The following VPS13B variants were observed in gnomAD, a reference collection of about 807,000 sequenced individuals.
VPS13B encodes vacuolar protein sorting 13 homolog B, also known as intermembrane lipid transfer protein VPS13B.
In VPS13B, 285 loss-of-function variants were observed where a neutral mutation model predicts 426.4. That is an observed-to-expected ratio of 0.67 (90% CI 0.61 to 0.74). The LOEUF is 0.74. Among genes scored for constraint, VPS13B ranks in the 30% least tolerant of loss-of-function variants. VPS13B has a pLI of 0.00. For synonymous variants in VPS13B, 1,676 were observed against 1,676.4 expected (o/e 1.00, Z 0.01); for missense variants, 4,537 against 4,782.6 (o/e 0.95, Z 1.51).
chr8:99,034,859 G>A (rs983885817), intron 2 of VPS13B, among the ~76,000 whole-genome samples: 59 of 152,082 alleles, frequency 3.9e-4, no homozygotes, highest in Admixed American at 5.2e-4. Context: ...GCATGCGCGC[G>A]CGTGTGTGTG....
intron 33 of VPS13B, among the ~76,000 whole-genome samples, chr8:99,639,864 C>T (rs553786101): frequency 2.0e-5 from 3 of 148,408 alleles, no homozygotes; most frequent in Admixed American, 6.7e-5. Flanking sequence ...CTAGCTCCTC[C>T]GAAGGCTGAA....
intron 8 of VPS13B, among the ~76,000 whole-genome samples, chr8:99,133,373 T>C (rs1307945748): frequency 6.6e-6 from 1 of 152,234 alleles, no homozygotes; most frequent in Non-Finnish European, 1.5e-5. Context: ...AAGGGAGTGT[T>C]GTGGCTAGTT....
intron 3 of VPS13B, among the ~76,000 whole-genome samples, chr8:99,047,945 C>T (rs569055830): frequency 6.6e-6 from 1 of 152,192 alleles, no homozygotes; most frequent in Admixed American, 6.5e-5. Context: ...ACCTTGGCAT[C>T]CCAAAGTGCT....
chr8:99,203,455 G>A (rs1324230245), intron 17 of VPS13B, among the ~76,000 whole-genome samples: 1 of 152,144 alleles, frequency 6.6e-6, no homozygotes, highest in Non-Finnish European at 1.5e-5. Context: ...ACTGGCACAA[G>A]ACAAGTATGC....
intron 17 of VPS13B, among the ~76,000 whole-genome samples, chr8:99,229,054 T>C (rs1816174976): frequency 6.6e-6 from 1 of 152,122 alleles, no homozygotes; most frequent in Non-Finnish European, 1.5e-5. Context: ...ATTTTTGAAA[T>C]GGAAACAGGC....
chr8:99,031,093 T>C (rs1476646969), intron 2 of VPS13B, among the ~76,000 whole-genome samples: 1 of 152,154 alleles, frequency 6.6e-6, no homozygotes, highest in Non-Finnish European at 1.5e-5. Context: ...AAGAACCCAC[T>C]GATGATGTCA....
chr8:99,769,608 T>C (rs1446123842), intron 40 of VPS13B, among the ~76,000 whole-genome samples: 1 of 152,136 alleles, frequency 6.6e-6, no homozygotes, highest in East Asian at 1.9e-4. Context: ...TTGCCTATAA[T>C]TGAGATGAAG....
At chr8:99,066,813 AC>A (rs1310965650) in intron 3 of VPS13B, among the ~76,000 whole-genome samples, 8 of 152,344 alleles carry the variant, frequency 5.3e-5, no homozygotes, top group Admixed American at 1.3e-4. Flanking sequence ...CAAGAAAAAA[AC>A]AATCCCATCA....
chr8:99,642,627 T>G (rs1829416245), intron 34 of VPS13B, 129 bp downstream of exon 34: 2 of 808,104 alleles, frequency 2.5e-6, no homozygotes, highest in Non-Finnish European at 3.9e-6. Context: ...ATATGGAAAG[T>G]TCATGTTCCA....
At chr8:99,356,427 T>C (rs1397959736) in intron 19 of VPS13B, among the ~76,000 whole-genome samples, 2 of 152,096 alleles carry the variant, frequency 1.3e-5, no homozygotes, top group Non-Finnish European at 2.9e-5. Context: ...GCAGGGGGAT[T>C]GCTGGAGACC....
intron 29 of VPS13B, 67 bp downstream of exon 29, chr8:99,511,579 GT>G (rs1821791072): frequency 2.0e-6 from 3 of 1,507,782 alleles, no homozygotes; most frequent in African/African-American, 1.4e-5. Context: ...AGTTTTCTGG[GT>G]TTTTTTGTTT....
At position 99,870,773 on chromosome 8, in the gene VPS13B, C is replaced by G. The variant is rs1817364799; in HGVS notation, c.11393-12C>G. Reference sequence around the variant, plus strand: ...AACAAGTAGTAAAACTCCCTTACTTCTCTTACCACAGGTATTTTACATGGA... The same window carrying G: ...AACAAGTAGTAAAACTCCCTTACTTGTCTTACCACAGGTATTTTACATGGA... On this transcript the variant is annotated splice_polypyrimidine_tract_variant and intron_variant, in intron 59 of 61. Transcript: ENST00000357162. The G allele has an allele frequency of 6.2e-7, 1 of 1,613,636 alleles. No individual in the cohort carries two copies. The highest frequency in any genetic ancestry group is 8.5e-7 in the Non-Finnish European group (1 of 1,179,538).
At chr8:99,720,619 A>T (rs559878793) in intron 38 of VPS13B, 67 bp downstream of exon 38, 1 of 1,518,506 alleles carries the variant, frequency 6.6e-7, no homozygotes, top group African/African-American at 1.4e-5. Context: ...ATGCATGTTG[A>T]CTAAATAAAA....
intron 24 of VPS13B, among the ~76,000 whole-genome samples, chr8:99,471,458 G>A (rs1819400697): frequency 6.6e-6 from 1 of 152,038 alleles, no homozygotes; most frequent in Non-Finnish European, 1.5e-5. Flanking sequence ...TAGACCGAAA[G>A]TTTTGGTGCA....
intron 19 of VPS13B, among the ~76,000 whole-genome samples, chr8:99,381,676 A>G (rs1813817859): frequency 6.6e-6 from 1 of 151,316 alleles, no homozygotes; most frequent in South Asian, 2.1e-4. Context: ...GTTTTTTTTC[A>G]TATGCTTGTT....
rs1229705213 is a variant in VPS13B, at chr8:99,219,398, G to A, written c.2515+26341G>A. Among the ~76,000 whole-genome samples the A allele has an allele frequency of 2.0e-5, 3 of 152,180 alleles. No individual in the cohort carries two copies. In the East Asian group the frequency reaches 5.8e-4, roughly 29 times the overall value. On this transcript the variant is annotated intron_variant, in intron 17 of 61. Coordinates refer to ENST00000357162, the MANE Select transcript of VPS13B (RefSeq NM_152564.5). The stretch of plus-strand genomic sequence containing the variant: ...TTTCATGTATCAAAGGCCCCATTAG[G>A]CCTGCAGCTTGGCTTCAAGTGGCAA...
At chr8:99,320,317 T>C (rs1302152012) in intron 19 of VPS13B, among the ~76,000 whole-genome samples, 2 of 152,218 alleles carry the variant, frequency 1.3e-5, no homozygotes, top group African/African-American at 2.4e-5. Context: ...GTGGGGGCTA[T>C]GTAAAAGACC....
chr8:99,201,160 A>G (rs1285217086), intron 17 of VPS13B, among the ~76,000 whole-genome samples: 3 of 152,060 alleles, frequency 2.0e-5, no homozygotes, highest in African/African-American at 4.8e-5. Context: ...CCTGTTTGCA[A>G]ATAAGAAATG....
chr8:99,834,783 C>G (rs922346206), intron 52 of VPS13B, among the ~76,000 whole-genome samples: 2 of 152,188 alleles, frequency 1.3e-5, no homozygotes, highest in African/African-American at 4.8e-5. Context: ...TGGGCTTGAA[C>G]TCCTGGGCTT....
Sources: gnomAD v4.1 joint callset for allele counts (sites outside exome capture counted in the v4.1 genomes callset) on GRCh38, gnomAD v4.1.1 for gene constraint, MANE v1.5 for transcripts, NCBI Gene and HGNC (gene_info 2026-07-23, HGNC 2026-07-21) for gene names.